SLA: variants seen among roughly 807,000 people sequenced by gnomAD.
SLA encodes src-like-adapter.
In SLA, 16 loss-of-function variants were observed where a neutral mutation model predicts 30.3. That is an observed-to-expected ratio of 0.53 (90% confidence interval 0.36 to 0.80). SLA has a LOEUF of 0.80. Ranked by LOEUF, SLA falls within the 30% of genes least tolerant of loss-of-function variation. The probability of loss-of-function intolerance (pLI) is 0.01; values close to 1 mark genes in which losing one functional copy is unlikely to be tolerated. For synonymous variants in SLA, 143 were observed against 137.8 expected (o/e 1.04, Z -0.26); for missense variants, 310 against 345.2 (o/e 0.90, Z 0.81).
rs191664624 is a variant in SLA, at chr8:133,082,819, T to C, written c.-318-7689A>G. ...ATGATGCCTTAATACTTTCATGGCA[T>C]ATACTTTTTTTCTAATGATAAGATT... On this transcript the variant is annotated intron_variant, in intron 1 of 8. Coordinates refer to ENST00000338087, the MANE Select transcript of SLA (RefSeq NM_001045556.3). 4.7e-3 allele frequency among the ~76,000 whole-genome samples: 693 copies of C among 146,140 alleles called. 9 individuals are homozygous for C. The highest frequency in any genetic ancestry group is 0.016 in the African/African-American group (665 of 41,286).
At chr8:133,102,513 C>T (rs1462664719) in intron 1 of SLA, 40 bp downstream of exon 1, 1 of 1,548,510 alleles carries the variant, frequency 6.5e-7, no homozygotes, top group Admixed American at 2.0e-5. Context: ...ACCTATGGCC[C>T]ACCCAGGGGG....
Position 133,078,159 on chromosome 8 carries a change from C to G in SLA, c.-318-3029G>C, listed in dbSNP as rs142411994. Among the ~76,000 whole-genome samples, 693 of 152,336 alleles carry G rather than the reference C, an allele frequency of 4.5e-3. 9 individuals carry two copies. Among genetic ancestry groups the G allele is most frequent in the African/African-American group, 0.016 (665 of 41,570 alleles). On this transcript the variant is annotated intron_variant, in intron 1 of 8. Coordinates refer to ENST00000338087, the MANE Select transcript of SLA (RefSeq NM_001045556.3). The stretch of plus-strand genomic sequence containing the variant: ...GGTGGCTGTGTCACCCATCCTTCCT[C>G]TCCACCATCATACACGTGACCCAAG...
intron 4 of SLA, 40 bp downstream of exon 4, chr8:133,050,776 C>T: frequency 1.5e-6 from 2 of 1,295,086 alleles, no homozygotes; most frequent in Non-Finnish European, 2.2e-6. Context: ...CAAGTTTATC[C>T]TGCTTTGAAG....
At chr8:133,082,971 G>A (rs763049784) in intron 1 of SLA, among the ~76,000 whole-genome samples, 2 of 152,158 alleles carry the variant, frequency 1.3e-5, no homozygotes, top group Non-Finnish European at 2.9e-5. Context: ...ATCTGTCAGC[G>A]CCTGCTTCCA....
chr8:133,061,168 C>T (rs7833610), intron 2 of SLA, among the ~76,000 whole-genome samples: 2,586 of 152,254 alleles, frequency 0.017, 67 homozygotes, highest in African/African-American at 0.06. Context: ...ACATGCCACA[C>T]CCAGCTAATT....
chr8:133,086,947 C>T (rs1345910601), intron 1 of SLA, among the ~76,000 whole-genome samples: 1 of 152,052 alleles, frequency 6.6e-6, no homozygotes, highest in East Asian at 1.9e-4. Context: ...AATTAGCATG[C>T]TGGCATTGAA....
At chr8:133,072,946 G>A (rs1844296451) in intron 2 of SLA, 1 of 152,184 alleles carries the variant, frequency 6.6e-6, no homozygotes, top group African/African-American at 2.4e-5. Context: ...ATTTAACACT[G>A]TTTATTAATA....
intron 7 of SLA, chr8:133,040,487 C>G: frequency 3.7e-6 from 1 of 272,296 alleles, no homozygotes; most frequent in South Asian, 4.7e-5. Flanking sequence ...AGAAATGAAG[C>G]AACAAGTGAG....
chr8:133,058,625 G>C (rs543664212), intron 3 of SLA, among the ~76,000 whole-genome samples: 2 of 152,334 alleles, frequency 1.3e-5, no homozygotes, highest in South Asian at 4.1e-4. Context: ...TATGACCAGA[G>C]GAGGAGGCTG....
intron 1 of SLA, among the ~76,000 whole-genome samples, chr8:133,083,007 A>C (rs1159925109): frequency 1.3e-5 from 2 of 152,190 alleles, no homozygotes; most frequent in Non-Finnish European, 2.9e-5. Flanking sequence ...AACTAATTAC[A>C]CTTAGTGGCG....
At chr8:133,075,992 A>T (rs772497057) in intron 1 of SLA, 1 of 152,230 alleles carries the variant, frequency 6.6e-6, no homozygotes, top group African/African-American at 2.4e-5. Context: ...TATTGCATAT[A>T]AAATCTCCCT....
At chr8:133,050,584 G>A in intron 4 of SLA, 2 of 458,102 alleles carry the variant, frequency 4.4e-6, no homozygotes, top group East Asian at 7.4e-5. Flanking sequence ...GATCTCAAAA[G>A]CCAAGTTAAG....
chr8:133,089,769 G>A (rs1847202882), intron 1 of SLA, among the ~76,000 whole-genome samples: 1 of 152,138 alleles, frequency 6.6e-6, no homozygotes, highest in African/African-American at 2.4e-5. Flanking sequence ...CCCAGCTCCT[G>A]TCTATAACTC....
At position 133,095,053 on chromosome 8, in the gene SLA, G is replaced by A. The variant is rs139465983; in HGVS notation, c.-319+7500C>T. On this transcript the variant is annotated intron_variant, in intron 1 of 8. Transcript: ENST00000338087. ...CTGCTTTCTCTTCCAGGGAGGCTCC[G>A]CACTCTCCCCGGCCGCCGTCATCAG... 3.4e-5 allele frequency: 55 copies of A among 1,613,598 alleles called. No homozygotes were observed. Among genetic ancestry groups the A allele is most frequent in the Admixed American group, 1.7e-4 (10 of 60,026 alleles).
At chr8:133,101,051 C>T (rs1037039156) in intron 1 of SLA, among the ~76,000 whole-genome samples, 7 of 152,256 alleles carry the variant, frequency 4.6e-5, no homozygotes, top group East Asian at 1.9e-4. Flanking sequence ...GTCTCCACTG[C>T]AGGTCTCTGA....
intron 5 of SLA, chr8:133,049,511 G>C (rs936270272): frequency 3.8e-5 from 11 of 287,904 alleles, no homozygotes; most frequent in African/African-American, 1.7e-4. Flanking sequence ...AAAGGGAACT[G>C]ATGCATAAAA....
chr8:133,060,013 T>C, intron 3 of SLA, 87 bp downstream of exon 3: 1 of 1,365,572 alleles, frequency 7.3e-7, no homozygotes, highest in Non-Finnish European at 9.9e-7. Flanking sequence ...CCCATTTAAG[T>C]AGTTACCGGC....
At chr8:133,068,469 A>G (rs577194606) in intron 2 of SLA, among the ~76,000 whole-genome samples, 2 of 152,248 alleles carry the variant, frequency 1.3e-5, no homozygotes, top group South Asian at 2.1e-4. Flanking sequence ...AGGCCTGTCA[A>G]TGCTGGGGCA....
Position 133,094,747 on chromosome 8 carries a change from C to T in SLA, c.-319+7806G>A, listed in dbSNP as rs1339313758. On this transcript the variant is annotated intron_variant, in intron 1 of 8. Coordinates refer to ENST00000338087, the MANE Select transcript of SLA (RefSeq NM_001045556.3). ...CGATCCTCTTAAAGAACCATCAGCC[C>T]TTTGCCTCTATATACAAATTCATCT... The T allele has an allele frequency of 1.7e-5, 8 of 465,466 alleles. No homozygotes were observed. The Admixed American group carries it at 2.7e-4, about 16-fold the overall frequency. 28.8% of individuals were successfully genotyped at this position (465,466 alleles called of 1,614,324 possible). A position where few individuals can be genotyped will look rare whatever the true frequency, so the allele number is the denominator to read the frequency against.
Sources: gnomAD v4.1 joint callset for allele counts (sites outside exome capture counted in the v4.1 genomes callset) on GRCh38, gnomAD v4.1.1 for gene constraint, MANE v1.5 for transcripts, NCBI Gene and HGNC (gene_info 2026-07-23, HGNC 2026-07-21) for gene names.